ARHGEF28: variants seen among roughly 807,000 people sequenced by gnomAD.
ARHGEF28 encodes Rho guanine nucleotide exchange factor 28, also known as 190 kDa guanine nucleotide exchange factor.
Under a neutral mutation model 206.6 loss-of-function variants are expected in ARHGEF28, and 152 were observed. The observed-to-expected ratio is 0.74, with a 90% confidence interval of 0.64 to 0.84. ARHGEF28 has a LOEUF of 0.84. Among genes scored for constraint, ARHGEF28 ranks in the 40% least tolerant of loss-of-function variants. ARHGEF28 has a pLI of 0.00. For missense variants in ARHGEF28, 2,028 were observed against 2,073.2 expected (o/e 0.98, Z 0.42); for synonymous variants, 763 against 776.4 (o/e 0.98, Z 0.29).
chr5:73,914,392 T>G (rs900684686), intron 35 of ARHGEF28, among the ~76,000 whole-genome samples: 4 of 37,646 alleles, frequency 1.1e-4, no homozygotes, highest in African/African-American at 4.9e-4. Flanking sequence ...TCTGAATTGC[T>G]TTTTTTTTTT....
chr5:73,694,972 G>A (rs1321826116), intron 2 of ARHGEF28, among the ~76,000 whole-genome samples: 1 of 152,244 alleles, frequency 6.6e-6, no homozygotes, highest in African/African-American at 2.4e-5. Flanking sequence ...TATGGGTTAG[G>A]ACAATACAAG....
At chr5:73,857,546 TACACATACATATATGTGTACACAC>T (rs1759122831) in intron 14 of ARHGEF28, 86 bp from the exon 15 acceptor site, 9 of 1,165,586 alleles carry the variant, frequency 7.7e-6, no homozygotes, top group Non-Finnish European at 9.2e-6. Flanking sequence ...AAAAAATACA[TACACATACATATATGTGTACACAC>T]ACACACACAC....
chr5:73,844,062 G>A (rs73763141), intron 11 of ARHGEF28, among the ~76,000 whole-genome samples: 1,879 of 152,142 alleles, frequency 0.012, 29 homozygotes, highest in African/African-American at 0.039. Context: ...AAATAATATC[G>A]TAAAACAAGA....
Position 73,813,449 on chromosome 5 carries a change from C to A in ARHGEF28, c.1024+18058C>A. On this transcript the variant is annotated intron_variant, in intron 9 of 35. Coordinates refer to ENST00000513042, the MANE Select transcript of ARHGEF28 (RefSeq NM_001177693.2). ...GCAAAACATTTATTGCCTTTCCCTC[C>A]CTGGTGTGCAGGAGCTATTTCATCC... 3.5e-6 allele frequency: 5 copies of A among 1,427,364 alleles called. No homozygotes were observed. The South Asian group carries it at 7.5e-5, about 21-fold the overall frequency. The allele number at this position is 1,427,364 out of a possible 1,614,324, so 88.4% of individuals were successfully genotyped here. A position where few individuals can be genotyped will look rare whatever the true frequency, so the allele number is the denominator to read the frequency against.
intron 4 of ARHGEF28, among the ~76,000 whole-genome samples, chr5:73,766,899 T>C (rs1201734037): frequency 2.0e-5 from 3 of 152,222 alleles, no homozygotes; most frequent in Admixed American, 6.5e-5. Context: ...ATGGTTTGGC[T>C]GTGTCCCCAC....
intron 13 of ARHGEF28, among the ~76,000 whole-genome samples, chr5:73,849,449 A>T (rs973906061): frequency 6.6e-6 from 1 of 152,100 alleles, no homozygotes; most frequent in African/African-American, 2.4e-5. Context: ...TCTCATATAT[A>T]CATTGCTAAC....
At chr5:73,696,491 C>T (rs1338380177) in intron 2 of ARHGEF28, among the ~76,000 whole-genome samples, 1 of 152,154 alleles carries the variant, frequency 6.6e-6, no homozygotes, top group African/African-American at 2.4e-5. Context: ...TAATATAGTC[C>T]TCTAGACATT....
intron 33 of ARHGEF28, 35 bp from the exon 34 acceptor site, chr5:73,909,377 G>A (rs1423851645): frequency 2.6e-6 from 4 of 1,561,084 alleles, no homozygotes; most frequent in Admixed American, 1.8e-5. Flanking sequence ...ATGGAACCTT[G>A]TGTTCAGTGA....
chr5:73,883,074 G>A (rs1761053276), intron 23 of ARHGEF28, among the ~76,000 whole-genome samples: 2 of 152,046 alleles, frequency 1.3e-5, no homozygotes. Context: ...CATAAAATTG[G>A]ATTACTTAAA....
chr5:73,898,811 A>T (rs1762105090), intron 30 of ARHGEF28: 1 of 152,228 alleles, frequency 6.6e-6, no homozygotes, highest in South Asian at 2.1e-4. Flanking sequence ...TAGTTCCATA[A>T]AGGTTTCTAA....
chr5:73,803,318 C>G (rs1755250457), intron 9 of ARHGEF28: 1 of 161,160 alleles, frequency 6.2e-6, no homozygotes, highest in South Asian at 2.1e-4. Context: ...TCGATGGTTT[C>G]AAATTTAGAA....
intron 22 of ARHGEF28, among the ~76,000 whole-genome samples, chr5:73,878,750 G>A (rs1247001832): frequency 1.3e-5 from 2 of 150,310 alleles, no homozygotes; most frequent in African/African-American, 4.9e-5. Flanking sequence ...TTGAATATTG[G>A]CCCCCAGTCT....
rs1033799888 is a variant in ARHGEF28, at chr5:73,837,048, T to C, written c.1147-3432T>C. Reference sequence around the variant, plus strand: ...GTCTGTTTTTATGTCAGTACCATAATGTTTTGATTACCATATCTTTGTAAT... The same window carrying C: ...GTCTGTTTTTATGTCAGTACCATAACGTTTTGATTACCATATCTTTGTAAT... On this transcript the variant is annotated intron_variant, in intron 10 of 35. Coordinates refer to ENST00000513042, the MANE Select transcript of ARHGEF28 (RefSeq NM_001177693.2). Among the ~76,000 whole-genome samples, 6 of 152,184 alleles carry C rather than the reference T, an allele frequency of 3.9e-5. No individual in the cohort carries two copies. The East Asian group carries it at 1.2e-3, about 29-fold the overall frequency.
chr5:73,659,005 A>ACACC (rs1211713040), intron 1 of ARHGEF28, among the ~76,000 whole-genome samples: 65 of 145,912 alleles, frequency 4.5e-4, no homozygotes, highest in African/African-American at 1.2e-3. Context: ...ACACACACAC[A>ACACC]CCACACTCAC....
chr5:73,818,075 G>C (rs561493161), intron 9 of ARHGEF28, among the ~76,000 whole-genome samples: 7 of 152,250 alleles, frequency 4.6e-5, no homozygotes, highest in South Asian at 4.1e-4. Context: ...TGGCTTAGGA[G>C]AGGAAGACAG....
At chr5:73,887,484 A>G in intron 25 of ARHGEF28, 119 bp from the exon 26 acceptor site, 1 of 737,158 alleles carries the variant, frequency 1.4e-6, no homozygotes, top group Non-Finnish European at 2.2e-6. Flanking sequence ...TGGCTATCAT[A>G]ATACAGGTAT....
At chr5:73,632,386 A>G (rs1048349786) in intron 1 of ARHGEF28, among the ~76,000 whole-genome samples, 7 of 152,192 alleles carry the variant, frequency 4.6e-5, no homozygotes, top group Non-Finnish European at 8.8e-5. Flanking sequence ...GTTTTTCTCT[A>G]GTCTCCAGAA....
chr5:73,816,555 A>G (rs1007329978), intron 9 of ARHGEF28, among the ~76,000 whole-genome samples: 1 of 152,236 alleles, frequency 6.6e-6, no homozygotes, highest in Non-Finnish European at 1.5e-5. Context: ...TCCTGAACAC[A>G]TATATGTTAC....
In ARHGEF28 at chr5:73,867,981, A is replaced by G. The variant is rs780535372; in HGVS notation, c.2258A>G (p.His753Arg). ...AGGAGGGAGACTGTGGGACAGGTCC[A>G]TCCATTGTCCAGAAGTGTTCCAGGC... ...TGRRETVGQV[H>R]PLSRSVPGTT... Residue 753 changes from histidine to arginine, a missense_variant, in exon 19 of 36, where the codon CAT (histidine) becomes CGT (arginine). Physicochemically the swap from His to Arg is conservative, Grantham distance 29 (BLOSUM62 0). Coordinates refer to ENST00000513042, the MANE Select transcript of ARHGEF28 (RefSeq NM_001177693.2). 6.2e-7 allele frequency: 1 copy of G among 1,614,010 alleles called. No individual in the cohort carries two copies.
Sources: gnomAD v4.1 joint callset for allele counts (sites outside exome capture counted in the v4.1 genomes callset) on GRCh38, gnomAD v4.1.1 for gene constraint, MANE v1.5 for transcripts, NCBI Gene and HGNC (gene_info 2026-07-23, HGNC 2026-07-21) for gene names.